Variants in VPS53 observed in about 807,000 individuals in gnomAD.
The protein encoded by VPS53 is VPS53 subunit of GARP complex.
Under a neutral mutation model 107.0 loss-of-function variants are expected in VPS53, and 70 were observed. That is an observed-to-expected ratio of 0.65 (90% CI 0.54 to 0.80). The LOEUF (loss-of-function observed/expected upper bound fraction) is 0.80. Ranked by LOEUF, VPS53 falls within the 30% of genes least tolerant of loss-of-function variation. VPS53 has a pLI of 0.00. For missense variants in VPS53, 917 were observed against 1,049.4 expected (o/e 0.87, Z 1.74); for synonymous variants, 409 against 393.3 (o/e 1.04, Z -0.47).
At chr17:653,580 T>C (rs775648686) in intron 6 of VPS53, among the ~76,000 whole-genome samples, 170 bp from the exon 7 acceptor site, 1 of 152,186 alleles carries the variant, frequency 6.6e-6, no homozygotes, top group Non-Finnish European at 1.5e-5. Flanking sequence ...AAACAGGATC[T>C]GGTCCAAATC....
chr17:517,686 ATTTT>A lies in VPS53; in HGVS notation c.*1438_*1441del, dbSNP rs931849083. On this transcript the variant is annotated 3_prime_UTR_variant, in exon 22 of 22. Coordinates refer to ENST00000437048, the MANE Select transcript of VPS53 (RefSeq NM_001128159.3). ...AGGCACTCGCCATGACACCCGGCTAATTTTTTTTATTTTTAGTTGAGACAGGGTT... is the reference window on the plus strand; with the variant it reads ...AGGCACTCGCCATGACACCCGGCTAATTTTATTTTTAGTTGAGACAGGGTT... The A allele has an allele frequency of 1.2e-5, 4 of 333,942 alleles. No individual in the cohort carries two copies. The East Asian group carries it at 1.8e-4, about 15-fold the overall frequency. 20.7% of individuals were successfully genotyped at this position (333,942 alleles called of 1,614,324 possible). A position where few individuals can be genotyped will look rare whatever the true frequency, so the allele number is the denominator to read the frequency against.
intron 2 of VPS53, among the ~76,000 whole-genome samples, chr17:703,708 A>T (rs2143966062): frequency 6.6e-6 from 1 of 152,358 alleles, no homozygotes; most frequent in East Asian, 1.9e-4. Flanking sequence ...CACCCAGGAC[A>T]GTATGACCAC....
chr17:648,736 C>T (rs1466550369), intron 7 of VPS53, among the ~76,000 whole-genome samples: 4 of 146,532 alleles, frequency 2.7e-5, no homozygotes, highest in African/African-American at 1.0e-4. Flanking sequence ...CACTGAAGAT[C>T]TTACACTATA....
chr17:601,920 G>A (rs1968345586), intron 11 of VPS53, 24 bp from the exon 12 acceptor site: 3 of 1,532,940 alleles, frequency 2.0e-6, no homozygotes, highest in South Asian at 1.2e-5. Context: ...ATGAGAAAGA[G>A]AAGTGTTTTC....
chr17:549,976 C>T (rs1188080249), intron 17 of VPS53, among the ~76,000 whole-genome samples: 1 of 152,234 alleles, frequency 6.6e-6, no homozygotes, highest in Non-Finnish European at 1.5e-5. Context: ...TTACAATCTA[C>T]TGCAAAACCA....
intron 15 of VPS53, 151 bp from the exon 16 acceptor site, chr17:553,613 T>C (rs1349231142): frequency 5.5e-5 from 36 of 654,176 alleles, no homozygotes; most frequent in South Asian, 3.9e-5. Context: ...TCTTGTTGCC[T>C]AGGCTGGAGT....
intron 12 of VPS53, among the ~76,000 whole-genome samples, chr17:586,630 T>C (rs1333052518): frequency 4.6e-5 from 7 of 152,252 alleles, no homozygotes; most frequent in African/African-American, 1.7e-4. Context: ...AGTCATCATC[T>C]ATCTGACTGG....
intron 13 of VPS53, among the ~76,000 whole-genome samples, chr17:565,979 G>A (rs961058027): frequency 6.6e-6 from 1 of 151,954 alleles, no homozygotes; most frequent in African/African-American, 2.4e-5. Context: ...CGAGGCGGGC[G>A]GATCACGAGG....
chr17:709,093 C>T (rs1973531456), intron 2 of VPS53, among the ~76,000 whole-genome samples: 1 of 152,160 alleles, frequency 6.6e-6, no homozygotes, highest in African/African-American at 2.4e-5. Context: ...TAGAGGGAAC[C>T]ACCTCACAGA....
rs766153515 is a variant in VPS53 at position 714,731 on chromosome 17, G to A, written c.-22C>T. On this transcript the variant is annotated 5_prime_UTR_variant, in exon 1 of 22. Transcript: ENST00000437048. ...TCATTCCGCCACCCGGCCCCCTGCC[G>A]ACCCCCGCCGCGAGCCCAACTCAGG... 36 of 1,609,730 alleles carry A rather than the reference G, an allele frequency of 2.2e-5. No homozygotes were observed. The highest frequency in any genetic ancestry group is 2.8e-5 in the Non-Finnish European group (33 of 1,178,108).
At chr17:554,426 G>A (rs1227205516) in intron 15 of VPS53, among the ~76,000 whole-genome samples, 13 of 151,716 alleles carry the variant, frequency 8.6e-5, no homozygotes, top group African/African-American at 2.9e-4. Context: ...TTTTTGAGAC[G>A]GAGTTTCACT....
rs989080427 is a variant in VPS53 at position 519,068 on chromosome 17, G to A, written c.*60C>T. 2.1e-6 allele frequency: 3 copies of A among 1,447,668 alleles called. No homozygotes were observed. The Admixed American group carries it at 8.5e-5, about 41-fold the overall frequency. 89.7% of individuals were successfully genotyped at this position (1,447,668 alleles called of 1,614,324 possible). On this transcript the variant is annotated 3_prime_UTR_variant, in exon 22 of 22. Transcript: ENST00000437048. This position sits in a 1 kb window ranked among gnomAD's most constrained non-coding sequence, Gnocchi z 5.0. ...GCCGGGGAGCACAGGAGAGGTTGGG[G>A]GCTTCTGGGGAACGGGCGCTGAGGG...
intron 7 of VPS53, among the ~76,000 whole-genome samples, chr17:640,433 A>G (rs961347548): frequency 1.3e-5 from 2 of 152,076 alleles, no homozygotes; most frequent in South Asian, 2.1e-4. Context: ...ACAAGCCCCA[A>G]TGAGATGAAC....
At chr17:587,941 CT>C (rs1286174305) in intron 12 of VPS53, among the ~76,000 whole-genome samples, 135 of 152,292 alleles carry the variant, frequency 8.9e-4, no homozygotes, top group African/African-American at 3.0e-3. Context: ...CCACAAAGCC[CT>C]CACCACCATC....
chr17:687,730 C>G (rs1477636573), intron 4 of VPS53, among the ~76,000 whole-genome samples: 1 of 152,018 alleles, frequency 6.6e-6, no homozygotes, highest in East Asian at 1.9e-4. Flanking sequence ...AAAGTAAGAC[C>G]CTGTCTCAAA....
In VPS53 at chr17:521,585, T is replaced by TA. The variant is rs1567595614; in HGVS notation, c.2223+15dup. 2.6e-6 allele frequency: 4 copies of TA among 1,518,886 alleles called. No homozygotes were observed. The South Asian group carries it at 3.7e-5, about 14-fold the overall frequency. 94.1% of individuals were successfully genotyped at this position (1,518,886 alleles called of 1,614,324 possible). On this transcript the variant is annotated intron_variant, in intron 20 of 21. Transcript: ENST00000437048. ...GATTAAATAAATAACTGGCCCCTTTTAACACAAGCCATCACCTTGAGGATC... is the reference window on the plus strand; with the variant it reads ...GATTAAATAAATAACTGGCCCCTTTTAAACACAAGCCATCACCTTGAGGATC...
intron 17 of VPS53, among the ~76,000 whole-genome samples, chr17:543,772 A>T (rs1910889972): frequency 7.7e-6 from 1 of 130,254 alleles, no homozygotes; most frequent in Admixed American, 7.9e-5. Context: ...TTTGGGCATA[A>T]TATGAAGAAG....
intron 7 of VPS53, among the ~76,000 whole-genome samples, chr17:635,348 C>T (rs1174061934): frequency 6.6e-6 from 1 of 152,282 alleles, no homozygotes; most frequent in East Asian, 1.9e-4. Context: ...CTGTAGGTTG[C>T]CTGTTCACTT....
chr17:656,191 CTTTA>C (rs1971180450), intron 5 of VPS53, among the ~76,000 whole-genome samples: 1 of 152,138 alleles, frequency 6.6e-6, no homozygotes, highest in African/African-American at 2.4e-5. Flanking sequence ...ATGAAATGAA[CTTTA>C]TTTTTTTACC....
Sources: allele counts gnomAD v4.1 joint callset (sites outside exome capture counted in the v4.1 genomes callset), GRCh38; gene constraint gnomAD v4.1.1; non-coding constraint Gnocchi (gnomAD v3.1); transcripts MANE v1.5; gene names NCBI Gene and HGNC (gene_info 2026-07-23, HGNC 2026-07-21).